Variants in KCNMB2 observed in about 807,000 individuals in gnomAD.
The protein encoded by KCNMB2 is potassium calcium-activated channel subfamily M regulatory beta subunit 2, also known as calcium-activated potassium channel subunit beta-2.
In KCNMB2, 9 loss-of-function variants were observed where a neutral mutation model predicts 24.5. That is an observed-to-expected ratio of 0.37 (90% confidence interval 0.22 to 0.64). KCNMB2 has a LOEUF of 0.64. KCNMB2 is among the 30% of genes least tolerant of loss of function. The pLI, the probability that KCNMB2 is intolerant of heterozygous loss-of-function variation, is 0.63. For missense variants in KCNMB2, 226 were observed against 284.3 expected, an observed-to-expected ratio of 0.79 and a Z score of 1.47; for synonymous variants, 109 against 104.4, an observed-to-expected ratio of 1.04 and a Z score of -0.27.
chr3:178,764,076 C>T (rs1005580824), intron 1 of KCNMB2, among the ~76,000 whole-genome samples: 2 of 152,150 alleles, frequency 1.3e-5, no homozygotes, highest in Non-Finnish European at 2.9e-5. Flanking sequence ...AATTAAACCC[C>T]CATTATTTGA....
At chr3:178,752,386 C>T in intron 1 of KCNMB2, among the ~76,000 whole-genome samples, 1 of 152,090 alleles carries the variant, frequency 6.6e-6, no homozygotes, top group East Asian at 1.9e-4. Flanking sequence ...GAGCATATGA[C>T]CCATTTTTGG....
intron 1 of KCNMB2, among the ~76,000 whole-genome samples, chr3:178,657,194 A>G (rs959931986): frequency 6.6e-6 from 1 of 152,234 alleles, no homozygotes; most frequent in African/African-American, 2.4e-5. Context: ...CCCTGCTGCT[A>G]CGATCCCCAC....
intron 1 of KCNMB2, among the ~76,000 whole-genome samples, chr3:178,651,807 A>G (rs1217863000): frequency 1.3e-5 from 2 of 152,204 alleles, no homozygotes; most frequent in African/African-American, 4.8e-5. Flanking sequence ...CCTGAGAAAA[A>G]CAAGCAATGG....
rs555350385 is a variant in KCNMB2 at position 178,827,572 on chromosome 3, T to C, written c.228-606T>C. ...AAATTACCAATTAGGGTGAAAGGAATGTGCAGTAAGTGATTGCTCATGACA... is the reference window on the plus strand; with the variant it reads ...AAATTACCAATTAGGGTGAAAGGAACGTGCAGTAAGTGATTGCTCATGACA... On this transcript the variant is annotated intron_variant, in intron 3 of 4. Coordinates refer to ENST00000452583, the MANE Select transcript of KCNMB2 (RefSeq NM_181361.3). Among the ~76,000 whole-genome samples, 4 of 152,352 alleles carry C rather than the reference T, an allele frequency of 2.6e-5. No individual in the cohort carries two copies. The South Asian group carries it at 8.3e-4, about 32-fold the overall frequency.
chr3:178,725,936 T>C (rs1345958224), intron 1 of KCNMB2, among the ~76,000 whole-genome samples: 1 of 151,968 alleles, frequency 6.6e-6, no homozygotes, highest in African/African-American at 2.4e-5. Flanking sequence ...GATCATTTGC[T>C]TTTAATATAA....
chr3:178,575,612 G>A (rs73882824), intron 1 of KCNMB2, among the ~76,000 whole-genome samples: 1,874 of 152,082 alleles, frequency 0.012, 37 homozygotes, highest in African/African-American at 0.043. Flanking sequence ...GTGAACCAAA[G>A]GACTTTATAT....
At chr3:178,708,840 T>G (rs746821636) in intron 1 of KCNMB2, among the ~76,000 whole-genome samples, 1 of 152,292 alleles carries the variant, frequency 6.6e-6, no homozygotes, top group Admixed American at 6.5e-5. Flanking sequence ...GTGTGTCTGG[T>G]TTTTGTCTCT....
At chr3:178,712,169 C>T (rs537476455) in intron 1 of KCNMB2, among the ~76,000 whole-genome samples, 15 of 152,152 alleles carry the variant, frequency 9.9e-5, no homozygotes, top group African/African-American at 2.2e-4. Context: ...CTGGTAGCTC[C>T]GTATCACTTT....
intron 4 of KCNMB2, among the ~76,000 whole-genome samples, chr3:178,830,748 C>T (rs1355219611): frequency 1.3e-5 from 2 of 152,026 alleles, no homozygotes; most frequent in Admixed American, 6.6e-5. Flanking sequence ...GGGCAGTGTC[C>T]GTGCAAGTTG....
chr3:178,601,314 T>C (rs1477382025), intron 1 of KCNMB2, among the ~76,000 whole-genome samples: 2 of 152,100 alleles, frequency 1.3e-5, no homozygotes, highest in African/African-American at 4.8e-5. Flanking sequence ...CTGCACGCTC[T>C]GCACATGTAC....
intron 1 of KCNMB2, among the ~76,000 whole-genome samples, chr3:178,620,053 G>A (rs1406663353): frequency 6.6e-6 from 1 of 152,150 alleles, no homozygotes; most frequent in Admixed American, 6.5e-5. Flanking sequence ...AATGGTGGAA[G>A]ATAGGCATTC....
At chr3:178,632,157 G>A (rs879696019) in intron 1 of KCNMB2, among the ~76,000 whole-genome samples, 23 of 152,188 alleles carry the variant, frequency 1.5e-4, no homozygotes, top group Admixed American at 2.6e-4. Flanking sequence ...CAACACAGAG[G>A]CTGAAAACAC....
intron 1 of KCNMB2, among the ~76,000 whole-genome samples, chr3:178,614,285 A>ATG (rs1333045490): frequency 9.7e-5 from 10 of 103,264 alleles, no homozygotes; most frequent in Admixed American, 3.2e-4. Flanking sequence ...ATATATATAT[A>ATG]TATATATATA....
intron 2 of KCNMB2, among the ~76,000 whole-genome samples, chr3:178,815,070 T>A (rs1489558191): frequency 6.6e-6 from 1 of 152,192 alleles, no homozygotes; most frequent in African/African-American, 2.4e-5. Context: ...TTTGCTAATA[T>A]ATAAAAAGGC....
At position 178,744,715 on chromosome 3, in the gene KCNMB2, C is replaced by CA. The variant is rs1577143533; in HGVS notation, c.-67-62628_-67-62627insA. 1.2e-4 allele frequency among the ~76,000 whole-genome samples: 15 copies of CA among 126,128 alleles called. No individual in the cohort carries two copies. In the East Asian group the frequency reaches 2.1e-3, roughly 18 times the overall value. The allele number at this position is 126,128 out of a possible 152,430, so 82.7% of individuals were successfully genotyped here. A position where few individuals can be genotyped will look rare whatever the true frequency, so the allele number is the denominator to read the frequency against. ...AGGACACATAGGATCTTGTGGGATC[C>CA]GAAAAAAAAAAAGGATTAGGCATGG... On this transcript the variant is annotated intron_variant, in intron 1 of 4. Transcript: ENST00000452583.
In KCNMB2 at chr3:178,621,185, T is replaced by G. The variant is rs142424222; in HGVS notation, c.-68+84474T>G. ...AGGCCCAAAACAATAGAGCCTGAAT[T>G]CACATGATAGCAGTGGAACAGATAA... On this transcript the variant is annotated intron_variant, in intron 1 of 4. Transcript: ENST00000452583. Among the ~76,000 whole-genome samples, 50 of 152,266 alleles carry G rather than the reference T, an allele frequency of 3.3e-4. No homozygotes were observed. In the East Asian group the frequency reaches 3.7e-3, roughly 11 times the overall value.
At chr3:178,542,691 GAAC>G (rs1199062597) in intron 1 of KCNMB2, among the ~76,000 whole-genome samples, 2 of 152,028 alleles carry the variant, frequency 1.3e-5, no homozygotes, top group Non-Finnish European at 2.9e-5. Flanking sequence ...TTTCATATTT[GAAC>G]AATACAGATG....
At chr3:178,610,343 A>G (rs1176743948) in intron 1 of KCNMB2, among the ~76,000 whole-genome samples, 1 of 152,178 alleles carries the variant, frequency 6.6e-6, no homozygotes, top group African/African-American at 2.4e-5. Flanking sequence ...TGTTTTGGGT[A>G]GCATGGACAT....
intron 1 of KCNMB2, among the ~76,000 whole-genome samples, chr3:178,724,525 A>AT (rs1722906580): frequency 6.6e-6 from 1 of 151,810 alleles, no homozygotes; most frequent in South Asian, 2.1e-4. Flanking sequence ...CCATTTGTCT[A>AT]TTTTTTATTT....
Sources: gnomAD v4.1 joint callset for allele counts (sites outside exome capture counted in the v4.1 genomes callset) on GRCh38, gnomAD v4.1.1 for gene constraint, MANE v1.5 for transcripts, NCBI Gene and HGNC (gene_info 2026-07-23, HGNC 2026-07-21) for gene names.